Variants in PRKCE observed in about 807,000 individuals in gnomAD.
PRKCE encodes protein kinase C epsilon type.
PRKCE carries 16 observed loss-of-function variants against 85.4 expected under a neutral mutation model. That is an observed-to-expected ratio of 0.19 (90% CI 0.13 to 0.28). PRKCE has a LOEUF of 0.28. Ranked by LOEUF, PRKCE falls within the 10% of genes least tolerant of loss-of-function variation. The pLI is 1.00. For synonymous variants in PRKCE, 388 were observed against 371.5 expected (o/e 1.04, Z -0.51); for missense variants, 573 against 975.2 (o/e 0.59, Z 5.49).
chr2:45,978,979 T>C lies in PRKCE; in HGVS notation c.576T>C (p.Gly192=), dbSNP rs1574095724. 1 of 1,599,132 alleles carries C rather than the reference T, an allele frequency of 6.3e-7. No individual in the cohort carries two copies. The highest frequency in any genetic ancestry group is 1.3e-5 in the African/African-American group (1 of 74,980). ...YCSHCRDFIW[G]VIGKQGYQCQ... ...AAAATGTTATTCTTCTTTTCAGGGG[T>C]GTCATAGGAAAGCAGGGATACCAGT... Residue 192 remains glycine, a synonymous_variant, in exon 4 of 15, where the codon GGT becomes GGC. Coordinates refer to ENST00000306156, the MANE Select transcript of PRKCE (RefSeq NM_005400.3).
In PRKCE at chr2:46,006,133, G is replaced by A. The variant is rs552361104; in HGVS notation, c.1064-1329G>A. 9.7e-4 allele frequency among the ~76,000 whole-genome samples: 147 copies of A among 152,320 alleles called. 1 individual carries two copies. Among genetic ancestry groups the A allele is most frequent in the East Asian group, 3.1e-3 (16 of 5,182 alleles). ...GACGCCAGGATTTCCCAGTAGTGAT[G>A]TTAGCACAGATGTCCCTCTGAGCGA... On this transcript the variant is annotated intron_variant, in intron 8 of 14. Transcript: ENST00000306156.
chr2:45,795,480 G>T (rs1687365474), intron 1 of PRKCE, among the ~76,000 whole-genome samples: 1 of 151,928 alleles, frequency 6.6e-6, no homozygotes, highest in South Asian at 2.1e-4. Flanking sequence ...GGCTAATTTT[G>T]TATTTTTTTA....
At chr2:45,788,749 ATTAC>A (rs2105071137) in intron 1 of PRKCE, among the ~76,000 whole-genome samples, 1 of 152,316 alleles carries the variant, frequency 6.6e-6, no homozygotes, top group African/African-American at 2.4e-5. Flanking sequence ...AGATGCCTTT[ATTAC>A]TTACTTTCTG....
At chr2:45,847,900 T>G (rs970859365) in intron 2 of PRKCE, among the ~76,000 whole-genome samples, 3 of 152,352 alleles carry the variant, frequency 2.0e-5, no homozygotes, top group Non-Finnish European at 4.4e-5. Flanking sequence ...TGGTCCGAGC[T>G]CAAGGTTGGA....
At chr2:45,672,794 G>T (rs1010997036) in intron 1 of PRKCE, among the ~76,000 whole-genome samples, 1 of 152,178 alleles carries the variant, frequency 6.6e-6, no homozygotes, top group African/African-American at 2.4e-5. Context: ...GAGAGGCTGA[G>T]GTGGGAGGAT....
chr2:46,108,234 T>C (rs1671918744), intron 11 of PRKCE, among the ~76,000 whole-genome samples: 1 of 152,266 alleles, frequency 6.6e-6, no homozygotes, highest in Non-Finnish European at 1.5e-5. Context: ...TTATGAGTTC[T>C]GTGTATATTC....
intron 2 of PRKCE, among the ~76,000 whole-genome samples, chr2:45,930,117 T>A (rs1051783003): frequency 6.6e-6 from 1 of 152,262 alleles, no homozygotes; most frequent in African/African-American, 2.4e-5. Context: ...GGCAGTCAGA[T>A]GACGCCTCCA....
At chr2:45,862,183 TACACACACACAC>T (rs6146747) in intron 2 of PRKCE, among the ~76,000 whole-genome samples, 24,451 of 143,954 alleles carry the variant, frequency 0.17, 2,392 homozygotes, top group East Asian at 0.34. Flanking sequence ...TCTTCTTGTA[TACACACACACAC>T]ACACACACAC....
chr2:45,743,561 G>T (rs1359446406), intron 1 of PRKCE, among the ~76,000 whole-genome samples: 1 of 152,000 alleles, frequency 6.6e-6, no homozygotes, highest in Non-Finnish European at 1.5e-5. Context: ...GGGAGCTGAT[G>T]TAGGAAGTTA....
At chr2:46,032,987 A>C (rs924088993) in intron 10 of PRKCE, among the ~76,000 whole-genome samples, 1 of 152,172 alleles carries the variant, frequency 6.6e-6, no homozygotes, top group Non-Finnish European at 1.5e-5. Flanking sequence ...TCTAAAGGTC[A>C]GGGTTTCATG....
intron 1 of PRKCE, among the ~76,000 whole-genome samples, chr2:45,737,526 C>T (rs765226334): frequency 2.6e-5 from 4 of 152,312 alleles, no homozygotes; most frequent in Admixed American, 6.5e-5. Flanking sequence ...GGCTCCTCCT[C>T]GCAACTGCCC....
chr2:46,121,187 T>C (rs1673281699), intron 11 of PRKCE, among the ~76,000 whole-genome samples: 1 of 152,208 alleles, frequency 6.6e-6, no homozygotes, highest in Non-Finnish European at 1.5e-5. Flanking sequence ...TCACCCACCC[T>C]TTCAGCAACT....
chr2:46,027,272 C>G (rs897095997), intron 10 of PRKCE, among the ~76,000 whole-genome samples: 5 of 152,092 alleles, frequency 3.3e-5, no homozygotes, highest in African/African-American at 1.2e-4. Flanking sequence ...GAGGTTGAGG[C>G]TGCAGTGAAG....
chr2:45,958,814 ATATTTTTTTTTTTTTTTT>A (rs1701179012), intron 2 of PRKCE, among the ~76,000 whole-genome samples: 6 of 25,438 alleles, frequency 2.4e-4, no homozygotes, highest in South Asian at 2.2e-3. Flanking sequence ...ATATATATAT[ATATTTTTTTTTTTTTTTT>A]TTTTTTTTTT....
intron 10 of PRKCE, among the ~76,000 whole-genome samples, chr2:46,031,969 C>A (rs1707553078): frequency 6.6e-6 from 1 of 152,186 alleles, no homozygotes; most frequent in South Asian, 2.1e-4. Flanking sequence ...TCATTTTGAA[C>A]ATTTACTTTT....
rs190677384 is a variant in PRKCE, at chr2:45,910,050, C to A, written c.413-66379C>A. On this transcript the variant is annotated intron_variant, in intron 2 of 14. Transcript: ENST00000306156. ...CTTTCCAGTAAACTCACCGCCCCCC[C>A]CCAGCCAAGTGCCCAGGAATGTGTG... is the stretch of plus-strand genomic sequence containing the variant. 1.4e-4 allele frequency among the ~76,000 whole-genome samples: 22 copies of A among 152,054 alleles called. No individual in the cohort carries two copies. The South Asian group carries it at 3.1e-3, about 22-fold the overall frequency.
chr2:45,785,646 C>T (rs147266093), intron 1 of PRKCE, among the ~76,000 whole-genome samples: 6 of 152,232 alleles, frequency 3.9e-5, no homozygotes, highest in South Asian at 2.1e-4. Context: ...TTGCTGAACA[C>T]GATCTGTTCT....
intron 2 of PRKCE, among the ~76,000 whole-genome samples, chr2:45,972,703 A>G (rs977471962): frequency 2.0e-5 from 3 of 152,236 alleles, no homozygotes; most frequent in African/African-American, 7.2e-5. Flanking sequence ...TCCCAACATC[A>G]TTTATTGAAG....
Position 45,894,350 on chromosome 2 carries a change from G to A in PRKCE, c.412+51287G>A, listed in dbSNP as rs114773101. ...GAACACCTGGTTAATGCCAGGTAGC[G>A]ACATCTTAAGGGAAAGGAAGTTGAG... On this transcript the variant is annotated intron_variant, in intron 2 of 14. Transcript: ENST00000306156. Among the ~76,000 whole-genome samples the A allele has an allele frequency of 4.1e-3, 617 of 151,614 alleles. 6 individuals are homozygous for A. Among genetic ancestry groups the A allele is most frequent in the African/African-American group, 0.014 (581 of 41,272 alleles).
Sources: allele counts gnomAD v4.1 joint callset (sites outside exome capture counted in the v4.1 genomes callset), GRCh38; gene constraint gnomAD v4.1.1; transcripts MANE v1.5; gene names NCBI Gene and HGNC (gene_info 2026-07-23, HGNC 2026-07-21).